Variants in MAP3K5 observed in about 807,000 individuals in gnomAD.
MAP3K5 encodes ASK-1.
Under a neutral mutation model 158.7 loss-of-function variants are expected in MAP3K5, and 56 were observed. The ratio of observed to expected loss-of-function variants is 0.35; its 90% confidence interval spans 0.28 to 0.44. The LOEUF is 0.44. Ranked by LOEUF, MAP3K5 falls within the 20% of genes least tolerant of loss-of-function variation. MAP3K5 has a pLI of 1.00. For missense variants in MAP3K5, 1,294 were observed against 1,674.8 expected (o/e 0.77, Z 3.97); for synonymous variants, 579 against 601.7 (o/e 0.96, Z 0.55).
intron 2 of MAP3K5, among the ~76,000 whole-genome samples, chr6:136,712,777 T>C (rs1781365040): frequency 6.6e-6 from 1 of 152,230 alleles, no homozygotes; most frequent in East Asian, 1.9e-4. Context: ...GGGGGTGGTT[T>C]CCCCCATACT....
intron 1 of MAP3K5, among the ~76,000 whole-genome samples, chr6:136,760,956 A>T (rs1004014124): frequency 6.6e-6 from 1 of 152,146 alleles, no homozygotes; most frequent in African/African-American, 2.4e-5. Context: ...GTGACAGAGC[A>T]AGACTCTGTC....
chr6:136,576,125 T>A (rs1223842733), intron 25 of MAP3K5, among the ~76,000 whole-genome samples: 4 of 152,222 alleles, frequency 2.6e-5, no homozygotes, highest in Non-Finnish European at 5.9e-5. Flanking sequence ...ATTATTTATA[T>A]TAATATGGAC....
At chr6:136,706,292 T>C (rs1433899112) in intron 2 of MAP3K5, among the ~76,000 whole-genome samples, 1 of 151,630 alleles carries the variant, frequency 6.6e-6, no homozygotes, top group African/African-American at 2.4e-5. Flanking sequence ...AAGTACACAG[T>C]GTGGGCAGTG....
intron 1 of MAP3K5, among the ~76,000 whole-genome samples, chr6:136,759,471 T>A (rs971107797): frequency 2.1e-5 from 3 of 142,426 alleles, no homozygotes; most frequent in African/African-American, 7.8e-5. Flanking sequence ...TATATATATA[T>A]ATATATATAT....
chr6:136,773,159 A>AT (rs1425325909), intron 1 of MAP3K5, among the ~76,000 whole-genome samples: 1 of 152,206 alleles, frequency 6.6e-6, no homozygotes, highest in African/African-American at 2.4e-5. Flanking sequence ...CCACATTCCC[A>AT]TGGAAACCCT....
intron 1 of MAP3K5, among the ~76,000 whole-genome samples, chr6:136,783,850 C>T (rs901442627): frequency 4.6e-5 from 7 of 152,118 alleles, no homozygotes; most frequent in African/African-American, 9.7e-5. Flanking sequence ...AAAGCAGGCA[C>T]GGTTGGTACC....
intron 1 of MAP3K5, among the ~76,000 whole-genome samples, chr6:136,756,085 T>A (rs1783465853): frequency 6.6e-6 from 1 of 151,258 alleles, no homozygotes; most frequent in African/African-American, 2.4e-5. Context: ...AATGGGCAGA[T>A]CGCTTGAGCC....
intron 11 of MAP3K5, among the ~76,000 whole-genome samples, chr6:136,644,329 A>T (rs974892182): frequency 6.6e-6 from 1 of 152,170 alleles, no homozygotes; most frequent in Non-Finnish European, 1.5e-5. Flanking sequence ...AGGACACACC[A>T]CAAGGAGGCG....
chr6:136,763,722 CCCT>C (rs1783849464), intron 1 of MAP3K5, among the ~76,000 whole-genome samples: 1 of 152,042 alleles, frequency 6.6e-6, no homozygotes, highest in South Asian at 2.1e-4. Context: ...AACAGTTGTC[CCCT>C]CCAAGTGTCA....
chr6:136,567,256 C>T (rs983695237), intron 26 of MAP3K5, among the ~76,000 whole-genome samples: 1 of 152,208 alleles, frequency 6.6e-6, no homozygotes, highest in Admixed American at 6.5e-5. Flanking sequence ...TGATCTTCCT[C>T]TCCTATAAAG....
At chr6:136,727,293 T>C (rs1353229836) in intron 1 of MAP3K5, among the ~76,000 whole-genome samples, 1 of 152,266 alleles carries the variant, frequency 6.6e-6, no homozygotes. Flanking sequence ...GTACTTACTA[T>C]GTGTCAGACA....
At position 136,580,340 on chromosome 6, in the gene MAP3K5, G is replaced by A. The variant is rs1377539210; in HGVS notation, c.3478C>T (p.Arg1160Trp). The A allele has an allele frequency of 5.6e-6, 9 of 1,613,546 alleles. No homozygotes were observed. The highest frequency in any genetic ancestry group is 6.8e-6 in the Non-Finnish European group (8 of 1,179,634). The change falls in exon 25 of 30, where the codon CGG (arginine) becomes TGG (tryptophan). Residue 1160 changes from arginine (R) to tryptophan (W), a missense_variant. Coordinates refer to ENST00000359015, the MANE Select transcript of MAP3K5 (RefSeq NM_005923.4). ...GTAATGGCTGTCTGTACCGCCTTCC[G>A]AATGATACTGTCTAAGGCAAACATC... ...HWMFALDSII[R>W]KAVQTAITIL...
intron 7 of MAP3K5, among the ~76,000 whole-genome samples, chr6:136,684,918 C>T (rs1452464310): frequency 6.6e-6 from 1 of 152,132 alleles, no homozygotes; most frequent in Admixed American, 6.5e-5. Flanking sequence ...GTTTTTAATG[C>T]TTAAATTAGG....
chr6:136,713,345 G>A (rs995481475), intron 2 of MAP3K5, among the ~76,000 whole-genome samples: 2 of 152,174 alleles, frequency 1.3e-5, no homozygotes, highest in African/African-American at 4.8e-5. Context: ...CAAAACAGTG[G>A]GCAAGGAGTG....
chr6:136,658,071 G>C lies in MAP3K5; in HGVS notation c.1526+1148C>G, dbSNP rs574142239. ...AGATCCCTGGGGAGGATTGGCTAAA[G>C]GAGACCTGAACATGAGGAAAATTCT... On this transcript the variant is annotated intron_variant, in intron 9 of 29. Coordinates refer to ENST00000359015, the MANE Select transcript of MAP3K5 (RefSeq NM_005923.4). Among the ~76,000 whole-genome samples the C allele has an allele frequency of 3.9e-5, 6 of 152,250 alleles. No homozygotes were observed. The South Asian group carries it at 1.2e-3, about 32-fold the overall frequency.
rs528672005 is a variant in MAP3K5, at chr6:136,716,163, C to T, written c.588+4287G>A. Among the ~76,000 whole-genome samples the T allele has an allele frequency of 4.1e-5, 6 of 147,246 alleles. No homozygotes were observed. In the South Asian group the frequency reaches 1.3e-3, roughly 32 times the overall value. On this transcript the variant is annotated intron_variant, in intron 2 of 29. Transcript: ENST00000359015. ...ACATTCTTGATTATATCTCCTTATG[C>T]ATGCAAGAGACTTTTTTTACAGTAT... is the stretch of plus-strand genomic sequence containing the variant.
intron 11 of MAP3K5, among the ~76,000 whole-genome samples, chr6:136,650,404 A>C (rs1177542207): frequency 6.6e-6 from 1 of 152,230 alleles, no homozygotes; most frequent in Non-Finnish European, 1.5e-5. Context: ...TGAATATAGA[A>C]GTGGAAAGGC....
intron 1 of MAP3K5, among the ~76,000 whole-genome samples, chr6:136,774,487 G>A (rs535600525): frequency 9.2e-5 from 14 of 151,996 alleles, no homozygotes; most frequent in Non-Finnish European, 1.8e-4. Context: ...CAAACAATTA[G>A]CACAATATAT....
chr6:136,669,514 A>G (rs989382074), intron 7 of MAP3K5, 119 bp from the exon 8 acceptor site: 1 of 635,902 alleles, frequency 1.6e-6, no homozygotes, highest in Non-Finnish European at 2.8e-6. Context: ...ACTGGCCTTC[A>G]CCCCAGAATC....
Sources: allele counts gnomAD v4.1 joint callset (sites outside exome capture counted in the v4.1 genomes callset), GRCh38; gene constraint gnomAD v4.1.1; transcripts MANE v1.5; gene names NCBI Gene and HGNC (gene_info 2026-07-23, HGNC 2026-07-21).